MYO1E: variants seen among roughly 807,000 people sequenced by gnomAD.
MYO1E encodes the protein unconventional myosin-Ie.
In MYO1E, 68 loss-of-function variants were observed where a neutral mutation model predicts 151.1. The observed-to-expected ratio is 0.45, with a 90% CI of 0.37 to 0.55. The LOEUF (loss-of-function observed/expected upper bound fraction) is 0.55, where lower values mean the gene tolerates loss of function less well. Among genes scored for constraint, MYO1E ranks in the 20% least tolerant of loss-of-function variants. MYO1E has a pLI of 0.00. For synonymous variants in MYO1E, 601 were observed against 501.7 expected, an observed-to-expected ratio of 1.20 and a Z score of -2.64; for missense variants, 1,363 against 1,389.3, an observed-to-expected ratio of 0.98 and a Z score of 0.30.
intron 1 of MYO1E, among the ~76,000 whole-genome samples, chr15:59,304,516 G>A (rs1405844409): frequency 1.3e-5 from 2 of 152,176 alleles, no homozygotes; most frequent in African/African-American, 4.8e-5. Flanking sequence ...TAGAAAAAGG[G>A]GCTTTCTTCT....
At chr15:59,144,458 C>T (rs1347194821) in intron 26 of MYO1E, among the ~76,000 whole-genome samples, 3 of 152,086 alleles carry the variant, frequency 2.0e-5, no homozygotes, top group East Asian at 1.9e-4. Flanking sequence ...TGAGCCAATG[C>T]GCCCGGCCTC....
intron 21 of MYO1E, among the ~76,000 whole-genome samples, chr15:59,172,302 A>G (rs1020478316): frequency 2.6e-5 from 4 of 152,200 alleles, no homozygotes; most frequent in African/African-American, 9.6e-5. Flanking sequence ...GGTTGCAGTG[A>G]GCCGAGATTG....
chr15:59,292,118 G>C (rs959425705), intron 1 of MYO1E, among the ~76,000 whole-genome samples: 2 of 152,168 alleles, frequency 1.3e-5, no homozygotes, highest in Admixed American at 6.5e-5. Context: ...TTTGTTTGGT[G>C]AGTGGATTTG....
intron 1 of MYO1E, among the ~76,000 whole-genome samples, chr15:59,309,064 T>C (rs958088484): frequency 1.1e-4 from 17 of 148,818 alleles, no homozygotes; most frequent in Non-Finnish European, 1.8e-4. Flanking sequence ...CAGTAAGCCA[T>C]GATCACACCA....
intron 2 of MYO1E, among the ~76,000 whole-genome samples, chr15:59,267,255 G>A (rs1272016617): frequency 6.6e-6 from 1 of 151,758 alleles, no homozygotes; most frequent in African/African-American, 2.4e-5. Flanking sequence ...TCAATCTCCT[G>A]ACCTCATGAT....
In MYO1E at chr15:59,132,726, G is replaced by A. The variant is rs995325815; in HGVS notation, c.*4654C>T. 1 of 152,240 alleles carries A rather than the reference G, an allele frequency of 6.6e-6. No homozygotes were observed. Among genetic ancestry groups the A allele is most frequent in the Non-Finnish European group, 1.5e-5 (1 of 68,042 alleles). The allele number at this position is 152,240 out of a possible 1,614,324, so 9.4% of individuals were successfully genotyped here. A position where few individuals can be genotyped will look rare whatever the true frequency, so the allele number is the denominator to read the frequency against. On this transcript the variant is annotated 3_prime_UTR_variant, in exon 28 of 28. Transcript: ENST00000288235. ...TGGTGATCTCTATACTTTAGTTTCT[G>A]TACCTGTGAAGTGGGGATAAGAGTG...
chr15:59,189,400 C>T (rs1214255699), intron 17 of MYO1E, among the ~76,000 whole-genome samples: 1 of 151,958 alleles, frequency 6.6e-6, no homozygotes, highest in Non-Finnish European at 1.5e-5. Context: ...CTTCCCTTTT[C>T]TTTCTTTCTT....
At chr15:59,312,968 G>A (rs1462471878) in intron 1 of MYO1E, among the ~76,000 whole-genome samples, 2 of 152,164 alleles carry the variant, frequency 1.3e-5, no homozygotes, top group African/African-American at 2.4e-5. Flanking sequence ...TTGAACCCGG[G>A]AGGCGGAGAT....
chr15:59,295,551 T>A (rs1230870802), intron 1 of MYO1E, among the ~76,000 whole-genome samples: 1 of 152,144 alleles, frequency 6.6e-6, no homozygotes, highest in Non-Finnish European at 1.5e-5. Context: ...AGAAAAACTG[T>A]CTTCTTTCCA....
chr15:59,244,266 C>A (rs139327548), intron 4 of MYO1E, among the ~76,000 whole-genome samples: 48 of 152,300 alleles, frequency 3.2e-4, no homozygotes, highest in African/African-American at 1.1e-3. Flanking sequence ...CTTGGCCCAG[C>A]CTGATGCAGT....
At chr15:59,306,385 C>T (rs1248171208) in intron 1 of MYO1E, among the ~76,000 whole-genome samples, 1 of 152,098 alleles carries the variant, frequency 6.6e-6, no homozygotes, top group Non-Finnish European at 1.5e-5. Context: ...TAGCCTAGGG[C>T]ACATTAATGA....
chr15:59,309,371 A>G (rs1260352977), intron 1 of MYO1E, among the ~76,000 whole-genome samples: 1 of 152,228 alleles, frequency 6.6e-6, no homozygotes, highest in Admixed American at 6.5e-5. Context: ...AACAACAACA[A>G]CAACAAACAG....
intron 1 of MYO1E, among the ~76,000 whole-genome samples, chr15:59,300,173 T>C (rs1376056077): frequency 1.3e-5 from 2 of 152,182 alleles, no homozygotes; most frequent in African/African-American, 2.4e-5. Context: ...GAATCTCTTC[T>C]AGATGAAAAT....
chr15:59,352,728 C>A (rs2080830218), intron 1 of MYO1E, among the ~76,000 whole-genome samples: 3 of 152,204 alleles, frequency 2.0e-5, no homozygotes, highest in Admixed American at 6.5e-5. Flanking sequence ...ATAGCAGATT[C>A]TCTTCTATTC....
chr15:59,208,034 T>G (rs1428195877), intron 14 of MYO1E: 1 of 1,589,200 alleles, frequency 6.3e-7, no homozygotes, highest in Non-Finnish European at 8.5e-7. Context: ...GAGGCCCATC[T>G]GAAAAAAAGT....
At chr15:59,280,674 C>T (rs1329490635) in intron 1 of MYO1E, among the ~76,000 whole-genome samples, 2 of 150,518 alleles carry the variant, frequency 1.3e-5, no homozygotes, top group African/African-American at 2.5e-5. Context: ...TATAGCTTAA[C>T]TGGCAGTTTT....
chr15:59,248,320 C>T (rs1386793780), intron 4 of MYO1E, among the ~76,000 whole-genome samples: 1 of 150,724 alleles, frequency 6.6e-6, no homozygotes, highest in Non-Finnish European at 1.5e-5. Context: ...CCTGTCTCTA[C>T]TAAAAATACA....
Position 59,272,351 on chromosome 15 carries a change from G to A in MYO1E, c.102C>T (p.Ser34=), listed in dbSNP as rs1336049215. The A allele has an allele frequency of 6.2e-7, 1 of 1,613,946 alleles. No individual in the cohort carries two copies. Among genetic ancestry groups the A allele is most frequent in the African/African-American group, 1.3e-5 (1 of 74,912 alleles). Residue 34 remains serine (S), a synonymous_variant, in exon 2 of 28, where the codon TCC becomes TCT. Transcript: ENST00000288235. ...ATCTCTTCTTCAGATTCTCCACGAT[G>A]GAGTTCTCTGTGATCTTGGACAGTA... ...MVLLSKITEN[S]IVENLKKRYM...
At chr15:59,203,552 C>T (rs1180465103) in intron 15 of MYO1E, among the ~76,000 whole-genome samples, 3 of 151,952 alleles carry the variant, frequency 2.0e-5, no homozygotes, top group Non-Finnish European at 2.9e-5. Context: ...ATTTTTGTAT[C>T]GTTAGTAGAG....
Sources: gnomAD v4.1 joint callset for allele counts (sites outside exome capture counted in the v4.1 genomes callset) on GRCh38, gnomAD v4.1.1 for gene constraint, MANE v1.5 for transcripts, NCBI Gene and HGNC (gene_info 2026-07-23, HGNC 2026-07-21) for gene names.